CDC42BPA: variants seen among roughly 807,000 people sequenced by gnomAD.
CDC42BPA encodes CDC42 binding protein kinase alpha.
In CDC42BPA, 80 loss-of-function variants were observed where a neutral mutation model predicts 223.5. The ratio of observed to expected loss-of-function variants is 0.36; its 90% CI spans 0.30 to 0.43. The LOEUF (loss-of-function observed/expected upper bound fraction) is 0.43. Ranked by LOEUF, CDC42BPA falls within the 20% of genes least tolerant of loss-of-function variation. The pLI is 1.00. For missense variants in CDC42BPA, 1,743 were observed against 2,099.9 expected (o/e 0.83, Z 3.32); for synonymous variants, 694 against 718.6 (o/e 0.97, Z 0.55).
At chr1:227,309,919 T>C (rs992617871) in intron 1 of CDC42BPA, among the ~76,000 whole-genome samples, 1 of 152,232 alleles carries the variant, frequency 6.6e-6, no homozygotes, top group African/African-American at 2.4e-5. Context: ...TATTTCACCA[T>C]GATTAAATTT....
intron 1 of CDC42BPA, among the ~76,000 whole-genome samples, chr1:227,272,234 A>C (rs1443947107): frequency 2.0e-5 from 3 of 152,180 alleles, no homozygotes; most frequent in Non-Finnish European, 2.9e-5. Context: ...TACTGCTCTT[A>C]AAGTGTGTTC....
chr1:227,140,129 T>C (rs940624146), intron 9 of CDC42BPA, among the ~76,000 whole-genome samples: 1 of 152,188 alleles, frequency 6.6e-6, no homozygotes, highest in Admixed American at 6.5e-5. Context: ...TTTACTAGAA[T>C]TTGAAATTCA....
intron 35 of CDC42BPA, among the ~76,000 whole-genome samples, chr1:227,001,005 G>A (rs1202981920): frequency 1.3e-5 from 2 of 152,160 alleles, no homozygotes; most frequent in Non-Finnish European, 1.5e-5. Flanking sequence ...ATGACTTCCA[G>A]GAGGGTCTGG....
At chr1:227,131,809 T>A (rs537656175) in intron 10 of CDC42BPA, among the ~76,000 whole-genome samples, 2 of 152,190 alleles carry the variant, frequency 1.3e-5, no homozygotes, top group African/African-American at 2.4e-5. Flanking sequence ...AATAAATCCA[T>A]ATTATTTAAG....
chr1:227,140,912 A>C (rs1478941904), intron 9 of CDC42BPA, among the ~76,000 whole-genome samples: 1 of 152,214 alleles, frequency 6.6e-6, no homozygotes, highest in African/African-American at 2.4e-5. Flanking sequence ...AGAGAAGTCC[A>C]AAGACTGAGC....
chr1:227,039,319 TA>T lies in CDC42BPA; in HGVS notation c.3199+811del, dbSNP rs373434759. On this transcript the variant is annotated intron_variant, in intron 24 of 36. Transcript: ENST00000366766. ...GTCTTGAACTTAATGGAGCTTATGC[TA>T]AAAAAAAAGTTTATATTGTTTATTT... 1.3e-4 allele frequency among the ~76,000 whole-genome samples: 19 copies of T among 151,312 alleles called. No homozygotes were observed. In the East Asian group the frequency reaches 2.7e-3, roughly 22 times the overall value.
chr1:227,002,495 C>T (rs957205859), intron 35 of CDC42BPA, among the ~76,000 whole-genome samples: 2 of 152,198 alleles, frequency 1.3e-5, no homozygotes, highest in Non-Finnish European at 2.9e-5. Context: ...TGTCTGTAGC[C>T]AGGCTCCAAG....
At position 227,101,107 on chromosome 1, in the gene CDC42BPA, C is replaced by T. The variant is rs779388186; in HGVS notation, c.2134G>A (p.Ala712Thr). 7.0e-6 allele frequency: 11 copies of T among 1,575,212 alleles called. No homozygotes were observed. Among genetic ancestry groups the T allele is most frequent in the East Asian group, 2.2e-5 (1 of 44,602 alleles). ...EELSKREGIH[A>T]NEIKNLKKEL... is the part of the protein sequence containing the mutation. ...TTCTTAAGATTTTTTATTTCATTTG[C>T]ATGTATTCCTTCTCTTTTAGATAAT... is the stretch of plus-strand genomic sequence containing the variant. The change falls in exon 15 of 37, where the codon GCA (alanine) becomes ACA (threonine). Residue 712 changes from alanine to threonine, a missense_variant. Transcript: ENST00000366766.
chr1:227,105,312 T>C (rs1433174772), intron 14 of CDC42BPA, among the ~76,000 whole-genome samples: 2 of 151,136 alleles, frequency 1.3e-5, no homozygotes, highest in Non-Finnish European at 3.0e-5. Flanking sequence ...ACCCAAACCC[T>C]GGTAACCTCT....
At chr1:227,034,833 T>G in intron 25 of CDC42BPA, 39 bp from the exon 26 acceptor site, 1 of 1,534,246 alleles carries the variant, frequency 6.5e-7, no homozygotes, top group South Asian at 1.2e-5. Context: ...CCAAAACAAC[T>G]CAAATGAAAA....
intron 35 of CDC42BPA, among the ~76,000 whole-genome samples, chr1:226,998,600 A>C (rs1662109987): frequency 6.6e-6 from 1 of 152,230 alleles, no homozygotes. Context: ...ATATGCAGAA[A>C]ACTGAAATTG....
At chr1:227,089,345 T>C (rs1023640674) in intron 16 of CDC42BPA, among the ~76,000 whole-genome samples, 13 of 152,270 alleles carry the variant, frequency 8.5e-5, no homozygotes, top group Middle Eastern at 3.4e-3. Flanking sequence ...AAAGTGAAGA[T>C]GTACAGTGAA....
chr1:227,080,871 A>T, intron 17 of CDC42BPA, 22 bp downstream of exon 17: 1 of 1,612,676 alleles, frequency 6.2e-7, no homozygotes, highest in Non-Finnish European at 8.5e-7. Context: ...ATCCACAAAA[A>T]AACGTTTAAA....
chr1:227,173,789 G>A (rs924263532), intron 5 of CDC42BPA, among the ~76,000 whole-genome samples: 4 of 151,428 alleles, frequency 2.6e-5, no homozygotes, highest in South Asian at 2.1e-4. Context: ...TAATAAAATC[G>A]GTATTCCATG....
At position 227,279,008 on chromosome 1, in the gene CDC42BPA, C is replaced by CT. The variant is rs151079127; in HGVS notation, c.179-24854dup. 4.9e-3 allele frequency among the ~76,000 whole-genome samples: 697 copies of CT among 142,674 alleles called. 16 individuals carry two copies. In the East Asian group the frequency reaches 0.049, roughly 10 times the overall value. The allele number at this position is 142,674 out of a possible 152,430, so 93.6% of individuals were successfully genotyped here. A position where few individuals can be genotyped will look rare whatever the true frequency, so the allele number is the denominator to read the frequency against. On this transcript the variant is annotated intron_variant, in intron 1 of 36. Coordinates refer to ENST00000366766, the MANE Select transcript of CDC42BPA (RefSeq NM_001394014.1). ...TAACTGGGCAAGTTGTGGTCCTAGC[C>CT]TTTTTTTTTTTTAAGCTTACTGTCT... is the stretch of plus-strand genomic sequence containing the variant.
chr1:227,094,473 G>A (rs747721407), intron 15 of CDC42BPA, among the ~76,000 whole-genome samples: 3 of 152,164 alleles, frequency 2.0e-5, no homozygotes, highest in African/African-American at 7.2e-5. Context: ...TATCAGCCCA[G>A]CCCTTGCCTC....
intron 3 of CDC42BPA, among the ~76,000 whole-genome samples, chr1:227,212,806 A>G (rs963021241): frequency 3.9e-5 from 6 of 152,214 alleles, no homozygotes; most frequent in African/African-American, 1.4e-4. Context: ...ACAGAATAAT[A>G]TAAACAAGTT....
rs375359001 is a variant in CDC42BPA, at chr1:227,203,646, G to T, written c.355-3994C>A. ...GTATTAATAACAAACATGTAGGAAG[G>T]GCTACTGTAGATCATATCACTTCCT... On this transcript the variant is annotated intron_variant, in intron 3 of 36. Transcript: ENST00000366766. Among the ~76,000 whole-genome samples the T allele has an allele frequency of 1.1e-4, 17 of 152,076 alleles. No homozygotes were observed. The East Asian group carries it at 3.3e-3, about 29-fold the overall frequency.
At chr1:227,060,977 T>A (rs1024999382) in intron 21 of CDC42BPA, among the ~76,000 whole-genome samples, 4 of 152,048 alleles carry the variant, frequency 2.6e-5, no homozygotes, top group African/African-American at 9.7e-5. Context: ...TGCCTCGGCC[T>A]CCCAAAGTGC....
Sources: gnomAD v4.1 joint callset for allele counts (sites outside exome capture counted in the v4.1 genomes callset) on GRCh38, gnomAD v4.1.1 for gene constraint, MANE v1.5 for transcripts, NCBI Gene and HGNC (gene_info 2026-07-23, HGNC 2026-07-21) for gene names.